Variants in CD2AP observed in about 807,000 individuals in gnomAD.
The protein encoded by CD2AP is CD2-associated protein.
Under a neutral mutation model 85.1 loss-of-function variants are expected in CD2AP, and 46 were observed. The ratio of observed to expected loss-of-function variants is 0.54; its 90% CI spans 0.43 to 0.69. The LOEUF (loss-of-function observed/expected upper bound fraction) is 0.69. Ranked by LOEUF, CD2AP falls within the 30% of genes least tolerant of loss-of-function variation. The pLI, the probability that CD2AP is intolerant of heterozygous loss-of-function variation, is 0.00. For synonymous variants in CD2AP, 255 were observed against 252.9 expected (o/e 1.01, Z -0.08); for missense variants, 769 against 729.5 (o/e 1.05, Z -0.62).
At chr6:47,609,512 G>GAAAAA in intron 16 of CD2AP, 1 of 53,940 alleles carries the variant, frequency 1.9e-5, no homozygotes. Context: ...CCCCATCTTT[G>GAAAAA]CAAAAAAAAA....
intron 11 of CD2AP, among the ~76,000 whole-genome samples, chr6:47,583,258 A>G (rs753026691): frequency 1.4e-4 from 21 of 152,262 alleles, no homozygotes; most frequent in Non-Finnish European, 2.5e-4. Context: ...GCCTTCCTAC[A>G]TTGACACTTC....
intron 5 of CD2AP, among the ~76,000 whole-genome samples, chr6:47,567,568 G>A (rs1414388984): frequency 6.6e-6 from 1 of 152,142 alleles, no homozygotes; most frequent in Non-Finnish European, 1.5e-5. Flanking sequence ...TTACAGGAAA[G>A]GGTGCAATAA....
intron 11 of CD2AP, among the ~76,000 whole-genome samples, chr6:47,583,157 A>G (rs972953848): frequency 6.6e-6 from 1 of 152,128 alleles, no homozygotes; most frequent in Non-Finnish European, 1.5e-5. Context: ...AAAAGTACAG[A>G]GTTCCTGTAT....
Position 47,599,381 on chromosome 6 carries a change from T to C in CD2AP, c.1355T>C (p.Leu452Pro), listed in dbSNP as rs1409675432. Residue 452 changes from leucine (L) to proline (P), a missense_variant, in exon 13 of 18, where the codon CTG (leucine) becomes CCG (proline). Transcript: ENST00000359314. ...VSKLKLDSEQ[L>P]PLRPKSVDFD... ...AAACTAAAGCTAGATTCTGAACAGC[T>C]GCCCCTTAGACCAAAATCAGTAGAC... 1 of 1,612,292 alleles carries C rather than the reference T, an allele frequency of 6.2e-7. No homozygotes were observed. Among genetic ancestry groups the C allele is most frequent in the South Asian group, 1.1e-5 (1 of 91,030 alleles).
intron 1 of CD2AP, among the ~76,000 whole-genome samples, chr6:47,482,133 C>G (rs1765461773): frequency 6.6e-6 from 1 of 152,146 alleles, no homozygotes; most frequent in Non-Finnish European, 1.5e-5. Flanking sequence ...CTTTCTGTAT[C>G]AGGATTTACT....
At chr6:47,611,172 G>A (rs1769429470) in intron 16 of CD2AP, among the ~76,000 whole-genome samples, 1 of 150,260 alleles carries the variant, frequency 6.7e-6, no homozygotes, top group East Asian at 1.9e-4. Context: ...AACAATAAAA[G>A]TAAGTTTCAA....
At chr6:47,555,654 TTGTCATTG>T in intron 5 of CD2AP, among the ~76,000 whole-genome samples, 1 of 152,330 alleles carries the variant, frequency 6.6e-6, no homozygotes, top group African/African-American at 2.4e-5. Flanking sequence ...TACTGAATAC[TTGTCATTG>T]TGTCCCAATG....
At position 47,606,217 on chromosome 6, in the gene CD2AP, T is replaced by C. The variant is rs1769265829; in HGVS notation, c.1470T>C (p.Thr490=). Residue 490 remains threonine, a synonymous_variant, in exon 14 of 18, where the codon ACT becomes ACC. Coordinates refer to ENST00000359314, the MANE Select transcript of CD2AP (RefSeq NM_012120.3). ...CCTCAGAAAACTTGCTTCATCTCAC[T>C]GCAAATAGACCAAAGATGCCTGGAA... The part of the protein sequence containing the change: ...IASSENLLHL[T]ANRPKMPGRR... 1 of 1,612,012 alleles carries C rather than the reference T, an allele frequency of 6.2e-7. No individual in the cohort carries two copies. The highest frequency in any genetic ancestry group is 1.1e-5 in the South Asian group (1 of 91,046).
intron 2 of CD2AP, among the ~76,000 whole-genome samples, chr6:47,528,058 GAT>G (rs770631239): frequency 6.6e-5 from 10 of 152,172 alleles, no homozygotes; most frequent in Non-Finnish European, 1.3e-4. Context: ...GTGTGATTCA[GAT>G]ATCATTTCTA....
intron 9 of CD2AP, chr6:47,579,747 G>A (rs567218113): frequency 7.6e-6 from 3 of 392,218 alleles, no homozygotes; most frequent in Non-Finnish European, 1.4e-5. Flanking sequence ...AAGAAGGGCT[G>A]TCTATCCTAA....
At chr6:47,622,426 C>G (rs12664165) in intron 17 of CD2AP, among the ~76,000 whole-genome samples, 38,156 of 144,544 alleles carry the variant, frequency 0.26, 5,501 homozygotes, top group East Asian at 0.61. Context: ...AGTTTTACCC[C>G]CTGCTTCTCT....
At chr6:47,564,204 G>A (rs901625421) in intron 5 of CD2AP, among the ~76,000 whole-genome samples, 6 of 152,082 alleles carry the variant, frequency 3.9e-5, no homozygotes, top group Non-Finnish European at 8.8e-5. Context: ...TCATCTCTTA[G>A]CAAACTGTCT....
intron 5 of CD2AP, among the ~76,000 whole-genome samples, chr6:47,572,113 C>T (rs1768173476): frequency 1.3e-5 from 2 of 152,072 alleles, no homozygotes; most frequent in Non-Finnish European, 2.9e-5. Flanking sequence ...TCAGTTATTG[C>T]CTCATGTCTC....
At chr6:47,500,749 GTTT>G (rs35365087) in intron 1 of CD2AP, among the ~76,000 whole-genome samples, 106 of 140,336 alleles carry the variant, frequency 7.6e-4, no homozygotes, top group Non-Finnish European at 1.4e-3. Context: ...TCCTTCCTTG[GTTT>G]TTTTTTTTTT....
intron 11 of CD2AP, among the ~76,000 whole-genome samples, chr6:47,585,839 A>T (rs1178865797): frequency 1.3e-5 from 2 of 152,242 alleles, no homozygotes; most frequent in African/African-American, 4.8e-5. Flanking sequence ...GAAAGATCTC[A>T]TAATATATAG....
At chr6:47,519,745 A>G (rs1420033625) in intron 2 of CD2AP, among the ~76,000 whole-genome samples, 2 of 152,230 alleles carry the variant, frequency 1.3e-5, no homozygotes, top group Non-Finnish European at 2.9e-5. Context: ...AATCACCTAA[A>G]TTATAAAATT....
chr6:47,579,998 C>T (rs1241310224), intron 9 of CD2AP: 3 of 160,880 alleles, frequency 1.9e-5, no homozygotes, highest in African/African-American at 7.2e-5. Flanking sequence ...GTCCCTTTTC[C>T]CCATGGATGA....
At chr6:47,542,435 T>C (rs1403884392) in intron 3 of CD2AP, among the ~76,000 whole-genome samples, 1 of 152,232 alleles carries the variant, frequency 6.6e-6, no homozygotes, top group Non-Finnish European at 1.5e-5. Context: ...CCAAAATTCA[T>C]GTTGAAATTT....
intron 3 of CD2AP, among the ~76,000 whole-genome samples, chr6:47,541,887 A>C (rs1431955927): frequency 6.6e-6 from 1 of 152,246 alleles, no homozygotes; most frequent in Non-Finnish European, 1.5e-5. Flanking sequence ...TTTGGAGATC[A>C]TGATTTGATG....
Sources: gnomAD v4.1 joint callset for allele counts (sites outside exome capture counted in the v4.1 genomes callset) on GRCh38, gnomAD v4.1.1 for gene constraint, MANE v1.5 for transcripts, NCBI Gene and HGNC (gene_info 2026-07-23, HGNC 2026-07-21) for gene names.